The following RALGAPA2 variants were observed in gnomAD, a reference collection of about 807,000 sequenced individuals.
RALGAPA2 encodes ral GTPase-activating protein subunit alpha-2.
In RALGAPA2, 139 loss-of-function variants were observed where a neutral mutation model predicts 230.4. The ratio of observed to expected loss-of-function variants is 0.60; its 90% CI spans 0.53 to 0.69. The LOEUF (loss-of-function observed/expected upper bound fraction) is 0.69. Among genes scored for constraint, RALGAPA2 ranks in the 30% least tolerant of loss-of-function variants. The probability of loss-of-function intolerance (pLI) is 0.00; values close to 1 mark genes in which losing one functional copy is unlikely to be tolerated. For synonymous variants in RALGAPA2, 847 were observed against 837.8 expected (o/e 1.01, Z -0.19); for missense variants, 2,163 against 2,276.0 (o/e 0.95, Z 1.01).
At chr20:20,426,805 C>T (rs958509305) in intron 37 of RALGAPA2, among the ~76,000 whole-genome samples, 2 of 152,190 alleles carry the variant, frequency 1.3e-5, no homozygotes, top group African/African-American at 4.8e-5. Flanking sequence ...CATAAGTGAG[C>T]CCCCGGCCAG....
chr20:20,661,599 T>C (rs2067779459), intron 3 of RALGAPA2, among the ~76,000 whole-genome samples: 1 of 152,058 alleles, frequency 6.6e-6, no homozygotes, highest in Admixed American at 6.6e-5. Context: ...ATCAGTGACC[T>C]CTCCCCCAAA....
chr20:20,611,554 G>C (rs2065975863), intron 13 of RALGAPA2, 128 bp from the exon 14 acceptor site: 1 of 1,378,612 alleles, frequency 7.3e-7, no homozygotes, highest in Non-Finnish European at 9.5e-7. Context: ...AACTATTAAA[G>C]TCCAGATGCC....
At chr20:20,591,991 C>T (rs1272468350) in intron 16 of RALGAPA2, among the ~76,000 whole-genome samples, 2 of 152,120 alleles carry the variant, frequency 1.3e-5, no homozygotes, top group South Asian at 2.1e-4. Flanking sequence ...TGAGTTCCCC[C>T]CAGCTCATTT....
chr20:20,623,513 A>C (rs1394590396), intron 10 of RALGAPA2, among the ~76,000 whole-genome samples: 2 of 152,024 alleles, frequency 1.3e-5, no homozygotes, highest in African/African-American at 4.8e-5. Context: ...AAAAAAAAAA[A>C]AACAAATCCA....
chr20:20,416,042 C>T (rs759746612), intron 37 of RALGAPA2, among the ~76,000 whole-genome samples: 7 of 152,190 alleles, frequency 4.6e-5, no homozygotes, highest in Non-Finnish European at 1.0e-4. Context: ...CCCCATTTTA[C>T]ATGTGAGACA....
chr20:20,447,072 CT>C (rs1209337353), intron 37 of RALGAPA2, among the ~76,000 whole-genome samples: 1 of 152,170 alleles, frequency 6.6e-6, no homozygotes, highest in African/African-American at 2.4e-5. Context: ...GCAAAGATAA[CT>C]TTTTTCCATT....
At chr20:20,410,018 C>T (rs540870200) in intron 38 of RALGAPA2, among the ~76,000 whole-genome samples, 43 of 152,188 alleles carry the variant, frequency 2.8e-4, no homozygotes, top group Non-Finnish European at 5.7e-4. Flanking sequence ...ATTTGAAAAG[C>T]GGAGGGAGTA....
chr20:20,597,547 A>G (rs904023858), intron 16 of RALGAPA2, among the ~76,000 whole-genome samples: 1 of 152,174 alleles, frequency 6.6e-6, no homozygotes, highest in East Asian at 1.9e-4. Flanking sequence ...GTTTAGTACT[A>G]CAGAAAGCCA....
Position 20,611,337 on chromosome 20 carries a change from C to T in RALGAPA2, c.1778G>A (p.Ser593Asn), listed in dbSNP as rs760142252. 6.2e-7 allele frequency: 1 copy of T among 1,612,898 alleles called. No homozygotes were observed. The highest frequency in any genetic ancestry group is 1.1e-5 in the South Asian group (1 of 90,916). ...DKQIKDLFAQ[S>N]LAGLLFRTLM... ...TACCCTAAATAGTAACCCTGCCAAG[C>T]TCTGGGCAAACAAGTCCTTTATTTG... The change falls in exon 14 of 40, where the codon AGC (serine) becomes AAC (asparagine). Residue 593 changes from serine to asparagine, a missense_variant. Ser to Asn is a conservative substitution (Grantham distance 46). Transcript: ENST00000202677.
chr20:20,591,302 C>G lies in RALGAPA2; in HGVS notation c.2216G>C (p.Cys739Ser), dbSNP rs1202576279. 6.2e-7 allele frequency: 1 copy of G among 1,613,758 alleles called. No homozygotes were observed. Among genetic ancestry groups the G allele is most frequent in the South Asian group, 1.1e-5 (1 of 91,066 alleles). ...TGCAGGTGCATTTTCTGACTGTTGA[C>G]ACTCCTCCACTTCTGTGAGCATTAA... Reference protein sequence around the residue: ...VRQKATEVEECQQSENAPAAG... With the variant: ...VRQKATEVEESQQSENAPAAG... The change falls in exon 17 of 40, where the codon TGT becomes TCT. Residue 739 changes from cysteine (C) to serine (S), a missense_variant. Coordinates refer to ENST00000202677, the MANE Select transcript of RALGAPA2 (RefSeq NM_020343.4).
intron 23 of RALGAPA2, 118 bp downstream of exon 23, chr20:20,571,340 G>C: frequency 8.5e-7 from 1 of 1,172,118 alleles, no homozygotes; most frequent in African/African-American, 1.6e-5. Context: ...TAAAAGAGTT[G>C]AAACTACTGA....
At chr20:20,671,818 C>T (rs187954482) in intron 3 of RALGAPA2, among the ~76,000 whole-genome samples, 1 of 152,298 alleles carries the variant, frequency 6.6e-6, no homozygotes, top group East Asian at 1.9e-4. Flanking sequence ...CTCTGAAGGG[C>T]TTTCCTGCTG....
rs1043343530 is a variant in RALGAPA2 at position 20,500,669 on chromosome 20, T to A, written c.5208+2682A>T. On this transcript the variant is annotated intron_variant, in intron 35 of 39. Coordinates refer to ENST00000202677, the MANE Select transcript of RALGAPA2 (RefSeq NM_020343.4). ...CCAAACTCCTGTGAATCTTGATATC[T>A]TGATCTGTTCCCATGAATCACGAAT... Among the ~76,000 whole-genome samples, 5 of 152,242 alleles carry A rather than the reference T, an allele frequency of 3.3e-5. No homozygotes were observed. The East Asian group carries it at 9.6e-4, about 29-fold the overall frequency.
intron 37 of RALGAPA2, among the ~76,000 whole-genome samples, chr20:20,420,567 A>G (rs2060255827): frequency 6.6e-6 from 1 of 152,250 alleles, no homozygotes; most frequent in South Asian, 2.1e-4. Context: ...CATGGCAGAG[A>G]GAGGGCCATG....
chr20:20,511,423 T>C (rs1170488160), intron 32 of RALGAPA2, 98 bp from the exon 33 acceptor site: 1 of 1,445,068 alleles, frequency 6.9e-7, no homozygotes, highest in Admixed American at 2.8e-5. Flanking sequence ...TCATCCATCC[T>C]CTACCACCTC....
chr20:20,472,712 GA>G (rs576305066), intron 37 of RALGAPA2, 116 bp downstream of exon 37: 1 of 1,140,258 alleles, frequency 8.8e-7, no homozygotes, highest in South Asian at 2.5e-5. Context: ...AACAGAGGTT[GA>G]AAAAAATTCT....
rs556939491 is a variant in RALGAPA2 at position 20,606,020 on chromosome 20, C to G, written c.1801-608G>C. On this transcript the variant is annotated intron_variant, in intron 14 of 39. Transcript: ENST00000202677. ...GTCTTCATGCCTCTCTTAACCACCC[C>G]TCTCCTTTAATCTCCAGCCAACCCC... Among the ~76,000 whole-genome samples, 6 of 152,250 alleles carry G rather than the reference C, an allele frequency of 3.9e-5. No individual in the cohort carries two copies. In the South Asian group the frequency reaches 1.0e-3, roughly 26 times the overall value.
intron 27 of RALGAPA2, 31 bp from the exon 28 acceptor site, chr20:20,526,393 C>T: frequency 7.1e-7 from 1 of 1,417,004 alleles, no homozygotes; most frequent in Non-Finnish European, 9.7e-7. Context: ...CCAAAGCAGA[C>T]ACATAACTTA....
intron 37 of RALGAPA2, among the ~76,000 whole-genome samples, chr20:20,441,408 C>T (rs1182366104): frequency 1.3e-5 from 2 of 152,192 alleles, no homozygotes; most frequent in Non-Finnish European, 2.9e-5. Context: ...CTGTGGCTAG[C>T]CTTGTTGAAA....
Sources: allele counts gnomAD v4.1 joint callset (sites outside exome capture counted in the v4.1 genomes callset), GRCh38; gene constraint gnomAD v4.1.1; transcripts MANE v1.5; gene names NCBI Gene and HGNC (gene_info 2026-07-23, HGNC 2026-07-21).